The following SPATS2 variants were observed in gnomAD, a reference collection of about 807,000 sequenced individuals.
The protein encoded by SPATS2 is spermatogenesis-associated serine-rich protein 2.
Under a neutral mutation model 63.7 loss-of-function variants are expected in SPATS2, and 38 were observed. The observed-to-expected ratio is 0.60, with a 90% CI of 0.46 to 0.78. The LOEUF (loss-of-function observed/expected upper bound fraction) is 0.78. Among genes scored for constraint, SPATS2 ranks in the 30% least tolerant of loss-of-function variants. The pLI is 0.00. For synonymous variants in SPATS2, 207 were observed against 232.9 expected, an observed-to-expected ratio of 0.89 and a Z score of 1.01; for missense variants, 588 against 666.2, an observed-to-expected ratio of 0.88 and a Z score of 1.29.
intron 6 of SPATS2, among the ~76,000 whole-genome samples, chr12:49,491,310 C>A (rs1269181793): frequency 2.0e-5 from 3 of 152,100 alleles, no homozygotes; most frequent in African/African-American, 7.2e-5. Context: ...AGAAAGCGAT[C>A]TAATTGAGTG....
intron 3 of SPATS2, among the ~76,000 whole-genome samples, chr12:49,470,854 G>A (rs1022638134): frequency 4.6e-5 from 7 of 152,170 alleles, no homozygotes; most frequent in African/African-American, 1.4e-4. Context: ...CTTATATTCA[G>A]CATATTTGTT....
intron 2 of SPATS2, among the ~76,000 whole-genome samples, chr12:49,419,208 ATGC>A (rs1944939336): frequency 6.6e-6 from 1 of 152,246 alleles, no homozygotes; most frequent in African/African-American, 2.4e-5. Context: ...AATGCATGAT[ATGC>A]TGCATGCATT....
Position 49,469,963 on chromosome 12 carries a change from T to A in SPATS2, c.25+8926T>A, listed in dbSNP as rs143378818. ...ATGTTTGATTTTTCATTCATCTCAT[T>A]CAAAAAGGTTGAACTGTACTTTTTT... On this transcript the variant is annotated intron_variant, in intron 3 of 13. Coordinates refer to ENST00000552918, the MANE Select transcript of SPATS2 (RefSeq NM_023071.4). 3.5e-3 allele frequency among the ~76,000 whole-genome samples: 526 copies of A among 152,066 alleles called. 5 individuals carry two copies. The highest frequency in any genetic ancestry group is 0.012 in the African/African-American group (488 of 41,520).
chr12:49,383,111 G>A (rs987398894), intron 2 of SPATS2, among the ~76,000 whole-genome samples: 9 of 150,760 alleles, frequency 6.0e-5, no homozygotes, highest in African/African-American at 2.2e-4. Flanking sequence ...TCCGCCTCCC[G>A]GGTTCAAGCG....
intron 5 of SPATS2, 74 bp from the exon 6 acceptor site, chr12:49,490,608 G>A (rs1592451320): frequency 5.1e-6 from 7 of 1,359,762 alleles, no homozygotes; most frequent in Admixed American, 1.8e-5. Flanking sequence ...ATTACAAAAT[G>A]GGAGGACACT....
intron 3 of SPATS2, 66 bp from the exon 4 acceptor site, chr12:49,484,524 C>T (rs1946256435): frequency 6.7e-7 from 1 of 1,497,564 alleles, no homozygotes; most frequent in Non-Finnish European, 9.2e-7. Context: ...CCAGTCTTGG[C>T]CCTTCTGTCT....
chr12:49,459,315 T>C (rs1037560444), intron 2 of SPATS2, among the ~76,000 whole-genome samples: 1 of 152,212 alleles, frequency 6.6e-6, no homozygotes, highest in Non-Finnish European at 1.5e-5. Flanking sequence ...CACCTGATCT[T>C]GCAAGACCAT....
At chr12:49,464,711 C>T (rs1201845384) in intron 3 of SPATS2, among the ~76,000 whole-genome samples, 1 of 151,656 alleles carries the variant, frequency 6.6e-6, no homozygotes, top group Non-Finnish European at 1.5e-5. Context: ...CTGTTACAGT[C>T]CCAGCTATTT....
chr12:49,400,188 G>A (rs61638922), intron 2 of SPATS2, among the ~76,000 whole-genome samples: 14,013 of 152,126 alleles, frequency 0.092, 757 homozygotes, highest in African/African-American at 0.14. Flanking sequence ...AGATGTTGCA[G>A]ATATCTAAGT....
chr12:49,501,672 T>C (rs1204657696), intron 9 of SPATS2, among the ~76,000 whole-genome samples: 4 of 152,144 alleles, frequency 2.6e-5, no homozygotes, highest in Non-Finnish European at 5.9e-5. Flanking sequence ...TGGAGTGGAG[T>C]GGCCCAATCT....
At chr12:49,464,860 C>T (rs899649672) in intron 3 of SPATS2, among the ~76,000 whole-genome samples, 2 of 152,112 alleles carry the variant, frequency 1.3e-5, no homozygotes, top group South Asian at 2.1e-4. Context: ...TTTCCTTATC[C>T]CCCAATATTC....
rs12305541 is a variant in SPATS2, at chr12:49,504,774, T to C, written c.839+4569T>C. Among the ~76,000 whole-genome samples the C allele has an allele frequency of 1.2e-3, 123 of 99,884 alleles. 1 individual carries two copies. Among genetic ancestry groups the C allele is most frequent in the Middle Eastern group, 5.0e-3 (1 of 200 alleles). 65.5% of individuals were successfully genotyped at this position (99,884 alleles called of 152,430 possible). A position where few individuals can be genotyped will look rare whatever the true frequency, so the allele number is the denominator to read the frequency against. On this transcript the variant is annotated intron_variant, in intron 9 of 13. Coordinates refer to ENST00000552918, the MANE Select transcript of SPATS2 (RefSeq NM_023071.4). ...GTTTCTTTTCTTTCTTTCTTTCTTT[T>C]TTTTTTTTTTTTTTTTAAGACAGGG...
rs1029151333 is a variant in SPATS2 at position 49,484,811 on chromosome 12, C to A, written c.105+142C>A. ...GCCACTATATATCAGAGAGTGACGG[C>A]CATAAATAGGTTCTGATTGCGCAGA... is the stretch of plus-strand genomic sequence containing the variant. On this transcript the variant is annotated intron_variant, in intron 4 of 13. Transcript: ENST00000552918. The A allele has an allele frequency of 6.0e-6, 4 of 669,306 alleles. No individual in the cohort carries two copies. In the East Asian group the frequency reaches 1.1e-4, roughly 18 times the overall value. The allele number at this position is 669,306 out of a possible 1,614,324, so 41.5% of individuals were successfully genotyped here.
chr12:49,397,672 A>T (rs935982772), intron 2 of SPATS2, among the ~76,000 whole-genome samples: 1 of 150,912 alleles, frequency 6.6e-6, no homozygotes, highest in Non-Finnish European at 1.5e-5. Context: ...TACAAAAAAT[A>T]AAAAAAAGCT....
intron 2 of SPATS2, among the ~76,000 whole-genome samples, chr12:49,393,801 T>A (rs1192679659): frequency 6.6e-6 from 1 of 152,114 alleles, no homozygotes; most frequent in African/African-American, 2.4e-5. Context: ...CCGAGGCTCA[T>A]CTATTTGTTT....
chr12:49,408,603 T>C (rs1944739807), intron 2 of SPATS2, among the ~76,000 whole-genome samples: 1 of 124,186 alleles, frequency 8.1e-6, no homozygotes, highest in Non-Finnish European at 1.8e-5. Flanking sequence ...CCGCCCAGGC[T>C]GGAGTGCAGT....
rs147224174 is a variant in SPATS2, at chr12:49,422,729, T to C, written c.-243-38041T>C. Among the ~76,000 whole-genome samples the C allele has an allele frequency of 9.1e-3, 1,386 of 152,100 alleles. 15 individuals carry two copies. The highest frequency in any genetic ancestry group is 0.016 in the Non-Finnish European group (1,073 of 68,000). ...CGAGATCAGCCTGCGCAAGGCAACA[T>C]TGTGAAACCCCATCTCTACAAAAGA... On this transcript the variant is annotated intron_variant, in intron 2 of 13. Transcript: ENST00000552918.
At chr12:49,413,579 C>A (rs1452974197) in intron 2 of SPATS2, among the ~76,000 whole-genome samples, 1 of 152,004 alleles carries the variant, frequency 6.6e-6, no homozygotes, top group Non-Finnish European at 1.5e-5. Context: ...AAATTATTTT[C>A]ATTCCTCCCA....
intron 2 of SPATS2, among the ~76,000 whole-genome samples, chr12:49,455,959 T>C (rs1435242484): frequency 6.6e-6 from 1 of 152,228 alleles, no homozygotes; most frequent in African/African-American, 2.4e-5. Flanking sequence ...TTTAAATTTC[T>C]ATCTAATCTC....
Sources: gnomAD v4.1 joint callset for allele counts (sites outside exome capture counted in the v4.1 genomes callset) on GRCh38, gnomAD v4.1.1 for gene constraint, MANE v1.5 for transcripts, NCBI Gene and HGNC (gene_info 2026-07-23, HGNC 2026-07-21) for gene names.